SLC1A4: variants seen among roughly 807,000 people sequenced by gnomAD.
SLC1A4 encodes the protein neutral amino acid transporter A.
In SLC1A4, 19 loss-of-function variants were observed where a neutral mutation model predicts 37.7. The observed-to-expected ratio is 0.50, with a 90% CI of 0.35 to 0.74. The LOEUF (loss-of-function observed/expected upper bound fraction) is 0.74. SLC1A4 is among the 30% of genes least tolerant of loss of function. The probability of loss-of-function intolerance (pLI) is 0.01; values close to 1 mark genes in which losing one functional copy is unlikely to be tolerated. For synonymous variants in SLC1A4, 299 were observed against 309.8 expected (o/e 0.97, Z 0.37); for missense variants, 570 against 712.9 (o/e 0.80, Z 2.28).
At chr2:65,017,989 T>A in intron 5 of SLC1A4, 82 bp from the exon 6 acceptor site, 1 of 1,184,018 alleles carries the variant, frequency 8.4e-7, no homozygotes. Context: ...CTAATTGCTC[T>A]GTTCTGGGGT....
intron 1 of SLC1A4, among the ~76,000 whole-genome samples, chr2:64,991,237 G>A (rs1673037708): frequency 6.6e-6 from 1 of 151,892 alleles, no homozygotes; most frequent in African/African-American, 2.4e-5. Flanking sequence ...TCTCCTTCTG[G>A]AAAATGTGAT....
At chr2:64,996,819 C>T (rs528492877) in intron 1 of SLC1A4, among the ~76,000 whole-genome samples, 1 of 152,290 alleles carries the variant, frequency 6.6e-6, no homozygotes, top group Admixed American at 6.5e-5. Flanking sequence ...TCTAAAATCC[C>T]TTCCAGCTCA....
rs1673542380 is a variant in SLC1A4, at chr2:65,003,123, A to G, written c.571-830A>G. Among the ~76,000 whole-genome samples, 4 of 152,072 alleles carry G rather than the reference A, an allele frequency of 2.6e-5. No individual in the cohort carries two copies. In the South Asian group the frequency reaches 8.3e-4, roughly 31 times the overall value. On this transcript the variant is annotated intron_variant, in intron 2 of 7. Transcript: ENST00000234256. ...CAGAGGAGGCGGGTGGGTTTGTTTG[A>G]ACACCTCTGCCTTTCTGTAACACTG...
In SLC1A4 at chr2:65,021,054, G is replaced by C. The variant is rs370627888; in HGVS notation, c.1507G>C (p.Glu503Gln). The C allele has an allele frequency of 5.3e-5, 86 of 1,614,122 alleles. No individual in the cohort carries two copies. Among genetic ancestry groups the C allele is most frequent in the Non-Finnish European group, 6.8e-5 (80 of 1,180,042 alleles). The change falls in exon 8 of 8, where the codon GAG (glutamate) becomes CAG (glutamine). Residue 503 changes from glutamate to glutamine, a missense_variant. Physicochemically the swap from Glu to Gln is conservative, Grantham distance 29. Transcript: ENST00000234256. The stretch of plus-strand genomic sequence containing the variant: ...GGAAGCCATCCCCAACTGCAAGTCT[G>C]AGGAGGAGACATCGCCCCTGGTGAC... ...KVEAIPNCKS[E>Q]EETSPLVTHQ...
intron 4 of SLC1A4, among the ~76,000 whole-genome samples, chr2:65,015,421 A>C (rs1032901818): frequency 6.6e-6 from 1 of 151,874 alleles, no homozygotes; most frequent in Non-Finnish European, 1.5e-5. Flanking sequence ...AAAAAGAAAA[A>C]AACACATAGA....
At chr2:65,015,106 T>C (rs950063027) in intron 4 of SLC1A4, among the ~76,000 whole-genome samples, 2 of 152,246 alleles carry the variant, frequency 1.3e-5, no homozygotes, top group Non-Finnish European at 2.9e-5. Flanking sequence ...TGATTCCACC[T>C]TTGTGTACCT....
rs796951554 is a variant in SLC1A4, at chr2:64,997,867, C to G, written c.528-3581C>G. 4.0e-5 allele frequency among the ~76,000 whole-genome samples: 6 copies of G among 149,560 alleles called. 1 individual carries two copies. The highest frequency in any genetic ancestry group is 1.5e-4 in the African/African-American group (6 of 40,632). On this transcript the variant is annotated intron_variant, in intron 1 of 7. Coordinates refer to ENST00000234256, the MANE Select transcript of SLC1A4 (RefSeq NM_003038.5). ...CTGTAATCCTAGCACTTTGGGAGGC[C>G]AAGGTGGGCAGATCACTTGAGGTCA...
At chr2:65,007,273 TGTG>T (rs1673714513) in intron 3 of SLC1A4, among the ~76,000 whole-genome samples, 1 of 69,624 alleles carries the variant, frequency 1.4e-5, no homozygotes, top group Admixed American at 1.3e-4. Flanking sequence ...AGTGTGTTTG[TGTG>T]TGTGTGTGTG....
At position 65,018,162 on chromosome 2, in the gene SLC1A4, A is replaced by G; in HGVS notation, c.1126A>G (p.Thr376Ala). ...CAGGTTTATTCTCCCCATCGGGGCC[A>G]CCGTGAACATGGACGGAGCAGCCAT... The part of the protein sequence containing the change: ...ISRFILPIGA[T>A]VNMDGAAIFQ... The change falls in exon 6 of 8, where the codon ACC (threonine) becomes GCC (alanine). Residue 376 changes from threonine to alanine, a missense_variant. Transcript: ENST00000234256. This position sits in a 1 kb window ranked among gnomAD's most constrained non-coding sequence, Gnocchi z 4.3. 3 of 1,614,204 alleles carry G rather than the reference A, an allele frequency of 1.9e-6. No individual in the cohort carries two copies. The highest frequency in any genetic ancestry group is 2.5e-6 in the Non-Finnish European group (3 of 1,180,036).
At chr2:65,003,854 A>T in intron 2 of SLC1A4, 99 bp from the exon 3 acceptor site, 1 of 843,602 alleles carries the variant, frequency 1.2e-6, no homozygotes, top group Non-Finnish European at 2.0e-6. Context: ...CAGTGTGAAC[A>T]GTGACAGAAG....
intron 1 of SLC1A4, among the ~76,000 whole-genome samples, chr2:64,990,838 G>T (rs920287630): frequency 1.3e-5 from 2 of 152,218 alleles, no homozygotes; most frequent in African/African-American, 4.8e-5. Context: ...TTGTGCGAAA[G>T]TGTGAGTTCT....
intron 2 of SLC1A4, among the ~76,000 whole-genome samples, chr2:65,002,778 G>A (rs373264742): frequency 4.0e-5 from 6 of 151,674 alleles, no homozygotes; most frequent in Middle Eastern, 3.2e-3. Flanking sequence ...GGGTTTCACC[G>A]TGTTAGCCAG....
intron 3 of SLC1A4, among the ~76,000 whole-genome samples, chr2:65,008,711 C>T (rs1673784375): frequency 6.6e-6 from 1 of 152,188 alleles, no homozygotes; most frequent in Non-Finnish European, 1.5e-5. Flanking sequence ...AAGAGGAAGA[C>T]ACTCCAGACA....
chr2:65,013,196 T>A (rs62140372), intron 4 of SLC1A4, among the ~76,000 whole-genome samples: 18,888 of 152,214 alleles, frequency 0.12, 1,284 homozygotes, highest in Middle Eastern at 0.18. Flanking sequence ...CACTGATACG[T>A]CCATGTTAGG....
In SLC1A4 at chr2:65,020,992, CAAAG is replaced by C. The variant is rs1371243186; in HGVS notation, c.1450_1453del (p.Lys484AlafsTer8). On this transcript the variant is annotated frameshift_variant, in exon 8 of 8. Transcript: ENST00000234256. LOFTEE classifies it high-confidence loss of function. Reference sequence around the variant, plus strand: ...CTCCACCACCTGAATCAGAAGGCAACAAAGAAAGGCGAGCAGGAACTTGCTGAGG... The same window carrying C: ...CTCCACCACCTGAATCAGAAGGCAACAAAGGCGAGCAGGAACTTGCTGAGG... The C allele has an allele frequency of 5.6e-6, 9 of 1,614,212 alleles. No homozygotes were observed. The highest frequency in any genetic ancestry group is 7.6e-6 in the Non-Finnish European group (9 of 1,180,022).
At chr2:64,995,303 T>C (rs922617030) in intron 1 of SLC1A4, among the ~76,000 whole-genome samples, 6 of 152,198 alleles carry the variant, frequency 3.9e-5, no homozygotes, top group African/African-American at 1.4e-4. Flanking sequence ...ATCTGTAAAA[T>C]GAGACTAGTG....
chr2:65,003,680 C>T (rs893639437), intron 2 of SLC1A4, among the ~76,000 whole-genome samples: 1 of 152,182 alleles, frequency 6.6e-6, no homozygotes, highest in Non-Finnish European at 1.5e-5. Flanking sequence ...CGTCCTTCTC[C>T]AAACCATTGC....
Position 65,018,197 on chromosome 2 carries a change from T to C in SLC1A4, c.1161T>C (p.Cys387=). ...TGGACGGAGCAGCCATCTTCCAGTGTGTGGCCGCGGTGTTCATTGCGCAAC... is the reference window on the plus strand; with the variant it reads ...TGGACGGAGCAGCCATCTTCCAGTGCGTGGCCGCGGTGTTCATTGCGCAAC... ...VNMDGAAIFQ[C]VAAVFIAQLN... is the part of the protein sequence containing the mutation. The change falls in exon 6 of 8, where the codon TGT becomes TGC. Residue 387 remains cysteine, a synonymous_variant. Coordinates refer to ENST00000234256, the MANE Select transcript of SLC1A4 (RefSeq NM_003038.5). The surrounding 1 kb of genome is among the most constrained non-coding windows in gnomAD (Gnocchi z 4.3). 1.2e-6 allele frequency: 2 copies of C among 1,614,152 alleles called. No individual in the cohort carries two copies. The highest frequency in any genetic ancestry group is 2.2e-5 in the South Asian group (2 of 91,068).
At chr2:64,991,899 C>A (rs867690108) in intron 1 of SLC1A4, among the ~76,000 whole-genome samples, 1 of 152,150 alleles carries the variant, frequency 6.6e-6, no homozygotes, top group Non-Finnish European at 1.5e-5. Context: ...CCCTGCCTGG[C>A]CCCAGCTAAC....
Sources: allele counts gnomAD v4.1 joint callset (sites outside exome capture counted in the v4.1 genomes callset), GRCh38; gene constraint gnomAD v4.1.1; non-coding constraint Gnocchi (gnomAD v3.1); transcripts MANE v1.5; gene names NCBI Gene and HGNC (gene_info 2026-07-23, HGNC 2026-07-21).